The following FBN3 variants were observed in gnomAD, a reference collection of about 807,000 sequenced individuals.
The protein encoded by FBN3 is fibrillin 3.
FBN3 carries 234 observed loss-of-function variants against 330.1 expected under a neutral mutation model. The ratio of observed to expected loss-of-function variants is 0.71; its 90% CI spans 0.64 to 0.79. FBN3 has a LOEUF of 0.79. Ranked by LOEUF, FBN3 falls within the 30% of genes least tolerant of loss-of-function variation. The probability of loss-of-function intolerance (pLI) is 0.00; values close to 1 mark genes in which losing one functional copy is unlikely to be tolerated. For synonymous variants in FBN3, 1,458 were observed against 1,517.3 expected (o/e 0.96, Z 0.91); for missense variants, 3,606 against 3,886.9 (o/e 0.93, Z 1.92).
chr19:8,072,982 T>TGTGTGTGTGTGTGTGTGTGTGTGC (rs2081553307), intron 62 of FBN3, 81 bp downstream of exon 62: 1 of 821,782 alleles, frequency 1.2e-6, no homozygotes, highest in African/African-American at 1.8e-5. Context: ...TGTGTGTGTG[T>TGTGTGTGTGTGTGTGTGTGTGTGC]GTGTGTGTGT....
chr19:8,131,698 C>T lies in FBN3; in HGVS notation c.1846G>A (p.Val616Met), dbSNP rs201825940. ...ATGGCCCCATAGCAGGTGCTGCGCA[C>T]GTGGGTGTCCACGCACACGCGGCCA... Reference protein sequence around the residue: ...TDGRVCVDTHVRSTCYGAIEK... With the variant: ...TDGRVCVDTHMRSTCYGAIEK... Residue 616 changes from valine to methionine, a missense_variant, in exon 15 of 64, where the codon GTG becomes ATG. By Grantham distance (21) the Val-to-Met change is conservative. Coordinates refer to ENST00000600128, the MANE Select transcript of FBN3 (RefSeq NM_032447.5). The surrounding 1 kb of genome is among the most constrained non-coding windows in gnomAD (Gnocchi z 4.5). 1.7e-5 allele frequency: 28 copies of T among 1,614,114 alleles called. No individual in the cohort carries two copies. In the African/African-American group the frequency reaches 3.1e-4, roughly 18 times the overall value.
At position 8,129,727 on chromosome 19, in the gene FBN3, G is replaced by C. The variant is rs1003807234; in HGVS notation, c.2045-362C>G. 1.3e-5 allele frequency among the ~76,000 whole-genome samples: 2 copies of C among 152,072 alleles called. No homozygotes were observed. Among genetic ancestry groups the C allele is most frequent in the African/African-American group, 2.4e-5 (1 of 41,400 alleles). ...AATTATCTCCAGTTTGGAAATAGTG[G>C]AGCAGACATCCATACAGTGGCACTG... On this transcript the variant is annotated intron_variant, in intron 16 of 63. Transcript: ENST00000600128. This position sits in a 1 kb window ranked among gnomAD's most constrained non-coding sequence, Gnocchi z 4.5.
At chr19:8,094,610 G>A (rs905081040) in intron 46 of FBN3, 45 bp from the exon 47 acceptor site, 2 of 1,588,704 alleles carry the variant, frequency 1.3e-6, no homozygotes, top group African/African-American at 2.7e-5. Flanking sequence ...CCAGGATGCA[G>A]GGGGCTCACT....
chr19:8,080,567 G>A (rs17202419), intron 59 of FBN3, among the ~76,000 whole-genome samples: 20,174 of 152,182 alleles, frequency 0.13, 1,590 homozygotes, highest in Non-Finnish European at 0.19. Flanking sequence ...AGGAAGTAAC[G>A]ACTTTGTTCT....
chr19:8,079,756 A>C (rs1360645579), intron 59 of FBN3, among the ~76,000 whole-genome samples: 1 of 151,924 alleles, frequency 6.6e-6, no homozygotes, highest in Non-Finnish European at 1.5e-5. Context: ...CACCCGGCTA[A>C]TTTTTGTATT....
chr19:8,103,534 C>A, intron 39 of FBN3, 28 bp downstream of exon 39: 1 of 1,606,820 alleles, frequency 6.2e-7, no homozygotes, highest in Middle Eastern at 1.7e-4. Flanking sequence ...CTGTGACTGC[C>A]AGTTCCCTAG....
At position 8,133,236 on chromosome 19, in the gene FBN3, G is replaced by A. The variant is rs984312472; in HGVS notation, c.1592-130C>T. 1.1e-5 allele frequency: 13 copies of A among 1,176,904 alleles called. No homozygotes were observed. In the South Asian group the frequency reaches 2.2e-4, roughly 20 times the overall value. The allele number at this position is 1,176,904 out of a possible 1,614,324, so 72.9% of individuals were successfully genotyped here. On this transcript the variant is annotated intron_variant, in intron 13 of 63. Transcript: ENST00000600128. ...TGTGGGAGGCAAACAAGCTGTGGTT[G>A]TCTGTGACTGTGTGAGCTTGTATAT...
At chr19:8,119,962 A>G (rs974495237) in intron 25 of FBN3, among the ~76,000 whole-genome samples, 8 of 151,102 alleles carry the variant, frequency 5.3e-5, no homozygotes, top group African/African-American at 1.7e-4. Context: ...CTGGGACTAC[A>G]GGCAGGCACC....
intron 51 of FBN3, 44 bp from the exon 52 acceptor site, chr19:8,088,223 C>T: frequency 6.5e-7 from 1 of 1,546,338 alleles, no homozygotes. Flanking sequence ...AGAGGGTCCC[C>T]CATCCTCAGT....
chr19:8,126,964 G>A, intron 18 of FBN3, 132 bp from the exon 19 acceptor site: 1 of 991,786 alleles, frequency 1.0e-6, no homozygotes. Flanking sequence ...CATGCAGAGG[G>A]CACTGGAATC....
At position 8,090,319 on chromosome 19, in the gene FBN3, C is replaced by T. The variant is rs533284880; in HGVS notation, c.6032-68G>A. On this transcript the variant is annotated intron_variant, in intron 48 of 63. Transcript: ENST00000600128. ...CAGTGCCCACCTGCCCCTGTGACCT[C>T]CCGCACCCCAGTCCTGGTGAATGGG... 2.8e-5 allele frequency: 44 copies of T among 1,572,482 alleles called. No homozygotes were observed. In the East Asian group the frequency reaches 8.1e-4, roughly 29 times the overall value.
In FBN3 at chr19:8,108,908, A is replaced by T. The variant is rs537397644; in HGVS notation, c.4618+319T>A. ...TAAGGGTGAGGGAGAAGCAGCGTGCAGAGGCTGTGGCTCATCCTTCTCTGA... is the reference window on the plus strand; with the variant it reads ...TAAGGGTGAGGGAGAAGCAGCGTGCTGAGGCTGTGGCTCATCCTTCTCTGA... On this transcript the variant is annotated intron_variant, in intron 36 of 63. Transcript: ENST00000600128. Among the ~76,000 whole-genome samples the T allele has an allele frequency of 3.9e-5, 6 of 152,318 alleles. No individual in the cohort carries two copies. The South Asian group carries it at 1.2e-3, about 32-fold the overall frequency.
At chr19:8,101,126 T>C (rs1175422035) in intron 40 of FBN3, among the ~76,000 whole-genome samples, 154 bp from the exon 41 acceptor site, 1 of 152,088 alleles carries the variant, frequency 6.6e-6, no homozygotes, top group African/African-American at 2.4e-5. Flanking sequence ...CTTCCACTTA[T>C]TTAATTTAAT....
intron 37 of FBN3, among the ~76,000 whole-genome samples, chr19:8,106,652 AGAT>A (rs1289155312): frequency 1.3e-5 from 2 of 151,770 alleles, no homozygotes; most frequent in African/African-American, 4.8e-5. Context: ...TCAATGAATA[AGAT>A]GATGAGTGAG....
Position 8,131,421 on chromosome 19 carries a change from G to T in FBN3, c.1990+133C>A. The T allele has an allele frequency of 6.9e-7, 1 of 1,448,126 alleles. No homozygotes were observed. Among genetic ancestry groups the T allele is most frequent in the Non-Finnish European group, 9.5e-7 (1 of 1,054,412 alleles). 89.7% of individuals were successfully genotyped at this position (1,448,126 alleles called of 1,614,324 possible). A position where few individuals can be genotyped will look rare whatever the true frequency, so the allele number is the denominator to read the frequency against. The stretch of plus-strand genomic sequence containing the variant: ...AAGACACAACTCCAACCCCGGGGAG[G>T]GAGCAACTCCCTTCAGCCTCTTTTT... On this transcript the variant is annotated intron_variant, in intron 15 of 63. Transcript: ENST00000600128. The surrounding 1 kb of genome is among the most constrained non-coding windows in gnomAD (Gnocchi z 4.5).
rs2081373206 is a variant in FBN3 at position 8,065,629 on chromosome 19, GC to G, written c.*289del. 2.3e-6 allele frequency: 1 copy of G among 438,106 alleles called. No individual in the cohort carries two copies. Among genetic ancestry groups the G allele is most frequent in the Non-Finnish European group, 4.0e-6 (1 of 247,088 alleles). The allele number at this position is 438,106 out of a possible 1,614,324, so 27.1% of individuals were successfully genotyped here. On this transcript the variant is annotated 3_prime_UTR_variant, in exon 64 of 64. Transcript: ENST00000600128. ...GTACAGAAGTGAAAGCCTGAGATTG[GC>G]CAGACACGGTGACCACAGGGCCTCT...
At chr19:8,067,162 G>C (rs982809189) in intron 63 of FBN3, among the ~76,000 whole-genome samples, 1 of 142,014 alleles carries the variant, frequency 7.0e-6, no homozygotes, top group Admixed American at 7.4e-5. Context: ...GAGTCTTGCT[G>C]TCGCCCAGGC....
At chr19:8,066,521 C>A (rs955025026) in intron 63 of FBN3, among the ~76,000 whole-genome samples, 1 of 152,100 alleles carries the variant, frequency 6.6e-6, no homozygotes, top group Non-Finnish European at 1.5e-5. Context: ...AAATTGCATA[C>A]CCATGGACAT....
At chr19:8,135,325 T>G (rs939625408) in intron 13 of FBN3, among the ~76,000 whole-genome samples, 1 of 151,886 alleles carries the variant, frequency 6.6e-6, no homozygotes, top group Non-Finnish European at 1.5e-5. Context: ...TCACCCACAC[T>G]GGAGAGCAGT....
Sources: gnomAD v4.1 joint callset for allele counts (sites outside exome capture counted in the v4.1 genomes callset) on GRCh38, gnomAD v4.1.1 for gene constraint, Gnocchi (gnomAD v3.1) non-coding constraint, MANE v1.5 for transcripts, NCBI Gene and HGNC (gene_info 2026-07-23, HGNC 2026-07-21) for gene names.